GOLPH3: variants seen among roughly 807,000 people sequenced by gnomAD.
The protein encoded by GOLPH3 is golgi phosphoprotein 3, also known as coat protein GPP34.
Under a neutral mutation model 28.5 loss-of-function variants are expected in GOLPH3, and 14 were observed. The observed-to-expected ratio is 0.49, with a 90% CI of 0.32 to 0.77. The LOEUF (loss-of-function observed/expected upper bound fraction) is 0.77, where lower values mean the gene tolerates loss of function less well. Among genes scored for constraint, GOLPH3 ranks in the 30% least tolerant of loss-of-function variants. The pLI is 0.03. For synonymous variants in GOLPH3, 158 were observed against 159.2 expected (o/e 0.99, Z 0.06); for missense variants, 350 against 393.7 (o/e 0.89, Z 0.94).
chr5:32,151,644 T>A (rs1746309693), intron 1 of GOLPH3, among the ~76,000 whole-genome samples: 1 of 152,108 alleles, frequency 6.6e-6, no homozygotes, highest in Non-Finnish European at 1.5e-5. Flanking sequence ...TTAAAATACA[T>A]GAGACCTTAA....
intron 1 of GOLPH3, among the ~76,000 whole-genome samples, chr5:32,152,008 G>A (rs1375559513): frequency 6.6e-6 from 1 of 152,174 alleles, no homozygotes; most frequent in Non-Finnish European, 1.5e-5. Flanking sequence ...ATGAAATGAT[G>A]GAGAAGTTCT....
At chr5:32,144,383 G>A (rs926041661) in intron 1 of GOLPH3, among the ~76,000 whole-genome samples, 7 of 152,176 alleles carry the variant, frequency 4.6e-5, no homozygotes, top group Non-Finnish European at 1.0e-4. Context: ...TTGAGCCCAG[G>A]AGTTTGAGAC....
At chr5:32,162,708 C>A (rs1442670056) in intron 1 of GOLPH3, among the ~76,000 whole-genome samples, 1 of 152,184 alleles carries the variant, frequency 6.6e-6, no homozygotes, top group Non-Finnish European at 1.5e-5. Context: ...TTGTTCAGCA[C>A]CATGTGGTTT....
intron 1 of GOLPH3, among the ~76,000 whole-genome samples, chr5:32,172,636 AGT>A (rs1746865975): frequency 6.6e-6 from 1 of 151,296 alleles, no homozygotes; most frequent in African/African-American, 2.4e-5. Flanking sequence ...CGGAGTTTGC[AGT>A]GAGTGGAGAT....
rs146076766 is a variant in GOLPH3, at chr5:32,152,661, A to G, written c.226-8781T>C. Among the ~76,000 whole-genome samples, 18 of 151,734 alleles carry G rather than the reference A, an allele frequency of 1.2e-4. No homozygotes were observed. The East Asian group carries it at 3.3e-3, about 28-fold the overall frequency. ...GCTGGGCGTGGTTGCATGTGCCTGTAATCCCAGCTATTAAGGAGGCTGAGG... is the reference window on the plus strand; with the variant it reads ...GCTGGGCGTGGTTGCATGTGCCTGTGATCCCAGCTATTAAGGAGGCTGAGG... On this transcript the variant is annotated intron_variant, in intron 1 of 3. Transcript: ENST00000265070.
chr5:32,139,665 CAT>C (rs921726698), intron 2 of GOLPH3, among the ~76,000 whole-genome samples: 10 of 152,306 alleles, frequency 6.6e-5, no homozygotes, highest in African/African-American at 2.4e-4. Flanking sequence ...TCTATCCAAA[CAT>C]ATCATTTTTA....
rs952894453 is a variant in GOLPH3 at position 32,143,773 on chromosome 5, T to C, written c.333A>G (p.Arg111=). The change falls in exon 2 of 4, where the codon AGA becomes AGG. Residue 111 remains arginine (R), a synonymous_variant. Coordinates refer to ENST00000265070, the MANE Select transcript of GOLPH3 (RefSeq NM_022130.4). ...CCTTTCTTGTTAATAGACTTTTACG[T>C]CTCATTCCACAAGCCTCTAGTTGTA... The part of the protein sequence containing the change: ...GRLQLEACGM[R]RKSLLTRKVI... The C allele has an allele frequency of 1.9e-5, 31 of 1,606,760 alleles. No homozygotes were observed. Among genetic ancestry groups the C allele is most frequent in the Non-Finnish European group, 2.5e-5 (30 of 1,178,060 alleles).
intron 3 of GOLPH3, among the ~76,000 whole-genome samples, chr5:32,127,066 T>C (rs1052453426): frequency 6.6e-6 from 1 of 152,210 alleles, no homozygotes; most frequent in Non-Finnish European, 1.5e-5. Flanking sequence ...GCTACACATA[T>C]ACAGCCTATA....
At chr5:32,147,503 C>CGT (rs372149440) in intron 1 of GOLPH3, among the ~76,000 whole-genome samples, 22 of 150,686 alleles carry the variant, frequency 1.5e-4, no homozygotes, top group East Asian at 3.9e-4. Flanking sequence ...ATTATGAAAT[C>CGT]GTGTGTGTGT....
chr5:32,127,732 T>A (rs1745714970), intron 3 of GOLPH3, among the ~76,000 whole-genome samples: 1 of 152,176 alleles, frequency 6.6e-6, no homozygotes, highest in Non-Finnish European at 1.5e-5. Context: ...ACACAATTAT[T>A]TTCCTATACT....
chr5:32,165,025 G>A (rs377115285), intron 1 of GOLPH3, among the ~76,000 whole-genome samples: 3 of 149,272 alleles, frequency 2.0e-5, no homozygotes, highest in South Asian at 4.2e-4. Context: ...TCAGCCTCCC[G>A]AGTAGCTGGG....
chr5:32,165,072 G>T (rs1331266229), intron 1 of GOLPH3, among the ~76,000 whole-genome samples: 1 of 151,550 alleles, frequency 6.6e-6, no homozygotes, highest in African/African-American at 2.4e-5. Context: ...GCTAATTTTT[G>T]TATTTTTAGT....
chr5:32,138,574 AAG>A (rs2111848028), intron 2 of GOLPH3, among the ~76,000 whole-genome samples: 1 of 152,324 alleles, frequency 6.6e-6, no homozygotes, highest in South Asian at 2.1e-4. Flanking sequence ...AAAAGAAAAA[AAG>A]GCAAAATTAA....
intron 1 of GOLPH3, among the ~76,000 whole-genome samples, chr5:32,162,467 A>C (rs537242981): frequency 2.0e-5 from 3 of 151,240 alleles, no homozygotes; most frequent in African/African-American, 4.9e-5. Context: ...ACTCCAGCCT[A>C]GGCAACAGAG....
intron 1 of GOLPH3, among the ~76,000 whole-genome samples, chr5:32,163,143 A>G (rs766326399): frequency 4.6e-5 from 7 of 152,186 alleles, no homozygotes; most frequent in Non-Finnish European, 8.8e-5. Context: ...AAAATTCAAA[A>G]TATTTATTCT....
intron 2 of GOLPH3, among the ~76,000 whole-genome samples, chr5:32,142,395 C>T (rs552089214): frequency 2.5e-4 from 38 of 149,466 alleles, no homozygotes; most frequent in African/African-American, 9.2e-4. Flanking sequence ...AAGTGAGGAG[C>T]CCCTCCGCCC....
chr5:32,131,678 T>C (rs73063721), intron 3 of GOLPH3, among the ~76,000 whole-genome samples: 3,437 of 152,348 alleles, frequency 0.023, 123 homozygotes, highest in African/African-American at 0.077. Flanking sequence ...ATAGTTTACT[T>C]TTTTTGGTAA....
intron 1 of GOLPH3, among the ~76,000 whole-genome samples, chr5:32,156,821 C>T (rs1746440521): frequency 6.6e-6 from 1 of 152,230 alleles, no homozygotes; most frequent in Non-Finnish European, 1.5e-5. Context: ...GCCCGCCCCT[C>T]ACCTCCTGCT....
At chr5:32,142,251 C>T (rs1581543285) in intron 2 of GOLPH3, among the ~76,000 whole-genome samples, 1 of 151,606 alleles carries the variant, frequency 6.6e-6, no homozygotes, top group South Asian at 2.1e-4. Context: ...CACCTCTGCC[C>T]TGCCGCCCCG....
Sources: gnomAD v4.1 joint callset for allele counts (sites outside exome capture counted in the v4.1 genomes callset) on GRCh38, gnomAD v4.1.1 for gene constraint, MANE v1.5 for transcripts, NCBI Gene and HGNC (gene_info 2026-07-23, HGNC 2026-07-21) for gene names.